The following CPQ variants were observed in gnomAD, a reference collection of about 807,000 sequenced individuals.
The protein encoded by CPQ is carboxypeptidase Q.
CPQ carries 37 observed loss-of-function variants against 45.7 expected under a neutral mutation model. The observed-to-expected ratio is 0.81, with a 90% CI of 0.62 to 1.07. CPQ has a LOEUF of 1.07. Among genes scored for constraint, CPQ ranks in the 50% least tolerant of loss-of-function variants. CPQ has a pLI of 0.00. For missense variants in CPQ, 537 were observed against 572.9 expected (o/e 0.94, Z 0.64); for synonymous variants, 186 against 205.8 (o/e 0.90, Z 0.82).
intron 3 of CPQ, among the ~76,000 whole-genome samples, chr8:96,855,968 C>T (rs185060355): frequency 1.1e-3 from 174 of 152,236 alleles, no homozygotes; most frequent in Middle Eastern, 6.8e-3. Context: ...AACAGATCAA[C>T]GGACAGAACC....
chr8:96,994,782 C>T (rs1344541505), intron 5 of CPQ, among the ~76,000 whole-genome samples: 4 of 152,016 alleles, frequency 2.6e-5, no homozygotes, highest in Non-Finnish European at 5.9e-5. Flanking sequence ...TCAATCTCAA[C>T]ATGTTCCCTG....
intron 1 of CPQ, among the ~76,000 whole-genome samples, chr8:96,667,736 C>T (rs1001443545): frequency 3.3e-5 from 5 of 152,062 alleles, no homozygotes; most frequent in Admixed American, 1.3e-4. Context: ...TGTTCCCAAC[C>T]CGAAATCCCC....
intron 7 of CPQ, among the ~76,000 whole-genome samples, chr8:97,123,364 TATA>T (rs1474435123): frequency 1.3e-5 from 2 of 149,668 alleles, no homozygotes; most frequent in African/African-American, 4.9e-5. Flanking sequence ...ATAATAATGA[TATA>T]ATAGGAAAAA....
At chr8:96,860,514 G>A (rs1811912712) in intron 3 of CPQ, among the ~76,000 whole-genome samples, 1 of 152,074 alleles carries the variant, frequency 6.6e-6, no homozygotes, top group Admixed American at 6.6e-5. Context: ...TCCAGTAACA[G>A]TTTCTTTCCT....
chr8:96,645,727 C>T (rs140900092), intron 1 of CPQ, among the ~76,000 whole-genome samples: 46 of 151,844 alleles, frequency 3.0e-4, no homozygotes, highest in Non-Finnish European at 2.5e-4. Flanking sequence ...TTTCACTTCC[C>T]CTCAGCTCCA....
Position 96,826,183 on chromosome 8 carries a change from T to C in CPQ, c.434-8790T>C, listed in dbSNP as rs563804222. Among the ~76,000 whole-genome samples the C allele has an allele frequency of 4.0e-4, 61 of 152,210 alleles. 1 individual carries two copies. The highest frequency in any genetic ancestry group is 8.3e-4 in the South Asian group (4 of 4,832). On this transcript the variant is annotated intron_variant, in intron 2 of 7. Transcript: ENST00000220763. ...TACAGGTGTTAGATCACTTAACACT[T>C]GCTGAATTCTTCAGATTTGTTTGTT...
chr8:96,876,549 T>A (rs1432853301), intron 3 of CPQ, among the ~76,000 whole-genome samples: 1 of 152,152 alleles, frequency 6.6e-6, no homozygotes. Context: ...CCATTACATA[T>A]GATGTTAGCT....
rs746503728 is a variant in CPQ at position 97,029,533 on chromosome 8, G to A, written c.1053+39G>A. ...TGTGGATTGCTAAGCATTTGTACAT[G>A]TAATATACAAAAATCCCTCTCATTG... On this transcript the variant is annotated intron_variant, in intron 6 of 7. Coordinates refer to ENST00000220763, the MANE Select transcript of CPQ (RefSeq NM_016134.4). The A allele has an allele frequency of 4.0e-6, 6 of 1,506,998 alleles. No individual in the cohort carries two copies. The South Asian group carries it at 5.9e-5, about 15-fold the overall frequency. 93.4% of individuals were successfully genotyped at this position (1,506,998 alleles called of 1,614,324 possible). A position where few individuals can be genotyped will look rare whatever the true frequency, so the allele number is the denominator to read the frequency against.
At chr8:96,762,802 G>A (rs969264037) in intron 1 of CPQ, among the ~76,000 whole-genome samples, 1 of 152,090 alleles carries the variant, frequency 6.6e-6, no homozygotes, top group Admixed American at 6.6e-5. Flanking sequence ...GGTCACAAAG[G>A]TTTTCTTCTA....
chr8:96,656,610 T>C (rs1041955392), intron 1 of CPQ, among the ~76,000 whole-genome samples: 27 of 152,144 alleles, frequency 1.8e-4, no homozygotes, highest in African/African-American at 6.3e-4. Context: ...GATTTCTGCG[T>C]CAGGCAATTC....
chr8:96,759,159 T>C (rs1466126931), intron 1 of CPQ, among the ~76,000 whole-genome samples: 1 of 152,150 alleles, frequency 6.6e-6, no homozygotes, highest in Non-Finnish European at 1.5e-5. Flanking sequence ...CCAATAAGTG[T>C]GCTGCCCCAG....
At chr8:96,826,093 C>T (rs1811375482) in intron 2 of CPQ, among the ~76,000 whole-genome samples, 1 of 152,070 alleles carries the variant, frequency 6.6e-6, no homozygotes, top group South Asian at 2.1e-4. Context: ...CTAACCAAAG[C>T]TGCCAATACT....
intron 4 of CPQ, among the ~76,000 whole-genome samples, chr8:96,922,270 C>G (rs1812819603): frequency 6.6e-6 from 1 of 152,144 alleles, no homozygotes; most frequent in South Asian, 2.1e-4. Flanking sequence ...TCCTCCCAAC[C>G]ATGCTCAACC....
intron 1 of CPQ, among the ~76,000 whole-genome samples, chr8:96,707,119 A>G (rs956202471): frequency 1.3e-5 from 2 of 152,138 alleles, no homozygotes; most frequent in African/African-American, 4.8e-5. Context: ...AGCTGTAAAA[A>G]TAGCCCTGTA....
chr8:96,703,584 T>A (rs1324809795), intron 1 of CPQ, among the ~76,000 whole-genome samples: 1 of 152,214 alleles, frequency 6.6e-6, no homozygotes, highest in African/African-American at 2.4e-5. Flanking sequence ...GCAAGCAAGT[T>A]GTTCTAATTG....
At chr8:96,948,468 A>C (rs1302271699) in intron 4 of CPQ, among the ~76,000 whole-genome samples, 1 of 151,948 alleles carries the variant, frequency 6.6e-6, no homozygotes, top group Non-Finnish European at 1.5e-5. Context: ...TTCTTTTGCT[A>C]TTGATTTCTG....
At chr8:96,750,694 A>G (rs1810246733) in intron 1 of CPQ, among the ~76,000 whole-genome samples, 1 of 151,096 alleles carries the variant, frequency 6.6e-6, no homozygotes, top group Non-Finnish European at 1.5e-5. Context: ...GTAGGTAAAC[A>G]TGTGCCATGG....
intron 1 of CPQ, among the ~76,000 whole-genome samples, chr8:96,757,647 CTATT>C (rs1314527358): frequency 4.0e-5 from 6 of 151,704 alleles, no homozygotes; most frequent in Admixed American, 2.6e-4. Context: ...AGCTTGTTCT[CTATT>C]TATTGTGTTC....
chr8:96,997,291 C>T (rs745389147), intron 5 of CPQ, among the ~76,000 whole-genome samples: 1 of 151,804 alleles, frequency 6.6e-6, no homozygotes, highest in South Asian at 2.1e-4. Context: ...ATACACAGAC[C>T]CTAGAGAGCT....
Sources: gnomAD v4.1 joint callset for allele counts (sites outside exome capture counted in the v4.1 genomes callset) on GRCh38, gnomAD v4.1.1 for gene constraint, MANE v1.5 for transcripts, NCBI Gene and HGNC (gene_info 2026-07-23, HGNC 2026-07-21) for gene names.